Variants in LMTK3 observed in about 807,000 individuals in gnomAD.
The protein encoded by LMTK3 is lemur tail kinase 3, also known as serine/threonine-protein kinase LMTK3.
LMTK3 carries 27 observed loss-of-function variants against 116.7 expected under a neutral mutation model. That is an observed-to-expected ratio of 0.23 (90% CI 0.17 to 0.32). LMTK3 has a LOEUF of 0.32. Ranked by LOEUF, LMTK3 falls within the 10% of genes least tolerant of loss-of-function variation. The pLI is 1.00. For missense variants in LMTK3, 1,764 were observed against 2,068.5 expected (o/e 0.85, Z 2.86); for synonymous variants, 965 against 971.0 (o/e 0.99, Z 0.11).
intron 14 of LMTK3, among the ~76,000 whole-genome samples, chr19:48,486,371 C>G (rs1972125718): frequency 1.3e-5 from 2 of 151,054 alleles, no homozygotes; most frequent in South Asian, 4.2e-4. Flanking sequence ...TTGGAACATT[C>G]TTCCTACGTG....
In LMTK3 at chr19:48,496,449, C is replaced by T. The variant is rs573403646; in HGVS notation, c.3676+944G>A. On this transcript the variant is annotated intron_variant, in intron 11 of 14. Coordinates refer to ENST00000600059, the MANE Select transcript of LMTK3 (RefSeq NM_001388485.1). ...GAGTAGCTGGGATTATAGGCGCCTA[C>T]CATAAAGCCTGGCTAATTTTTGTAT... 4.6e-5 allele frequency among the ~76,000 whole-genome samples: 7 copies of T among 152,268 alleles called. No individual in the cohort carries two copies. In the East Asian group the frequency reaches 1.4e-3, roughly 29 times the overall value.
chr19:48,509,720 A>G (rs1034076860), intron 3 of LMTK3, among the ~76,000 whole-genome samples: 1 of 151,962 alleles, frequency 6.6e-6, no homozygotes, highest in Admixed American at 6.6e-5. Context: ...TGGCATCCCA[A>G]GCTCCTATGA....
chr19:48,499,629 C>T lies in LMTK3; in HGVS notation c.1440G>A (p.Leu480=). The change falls in exon 11 of 15, where the codon CTG becomes CTA. Residue 480 remains leucine (L), a synonymous_variant. Coordinates refer to ENST00000600059, the MANE Select transcript of LMTK3 (RefSeq NM_001388485.1). ...ESSRGLNLEC[L]WEKARRGAGR... is the part of the protein sequence containing the mutation. ...CGGCCCCACGCCGGGCCTTCTCCCA[C>T]AGGCACTCGAGGTTGAGGCCGCGGC... is the stretch of plus-strand genomic sequence containing the variant. 1.9e-6 allele frequency: 3 copies of T among 1,542,304 alleles called. No individual in the cohort carries two copies. The highest frequency in any genetic ancestry group is 2.6e-6 in the Non-Finnish European group (3 of 1,143,760).
At position 48,497,115 on chromosome 19, in the gene LMTK3, A is replaced by G. The variant is rs1463785126; in HGVS notation, c.3676+278T>C. ...CTGATTAAGTGCCTTGGATGTCCTA[A>G]TTCATTTAACCTTCACAGCAACCCT... On this transcript the variant is annotated intron_variant, in intron 11 of 14. Coordinates refer to ENST00000600059, the MANE Select transcript of LMTK3 (RefSeq NM_001388485.1). The surrounding 1 kb of genome is among the most constrained non-coding windows in gnomAD (Gnocchi z 5.7). 2.6e-5 allele frequency among the ~76,000 whole-genome samples: 4 copies of G among 152,200 alleles called. No individual in the cohort carries two copies. Among genetic ancestry groups the G allele is most frequent in the Non-Finnish European group, 5.9e-5 (4 of 68,036 alleles).
chr19:48,501,174 C>G, intron 9 of LMTK3, 29 bp from the exon 10 acceptor site: 1 of 1,606,256 alleles, frequency 6.2e-7, no homozygotes, highest in Middle Eastern at 1.7e-4. Context: ...GGTCAGAGCC[C>G]AGCCCTGACC....
At position 48,491,371 on chromosome 19, in the gene LMTK3, C is replaced by T; in HGVS notation, c.4228+33G>A. 1 of 1,357,458 alleles carries T rather than the reference C, an allele frequency of 7.4e-7. No homozygotes were observed. Among genetic ancestry groups the T allele is most frequent in the Non-Finnish European group, 9.5e-7 (1 of 1,052,526 alleles). The allele number at this position is 1,357,458 out of a possible 1,614,324, so 84.1% of individuals were successfully genotyped here. A position where few individuals can be genotyped will look rare whatever the true frequency, so the allele number is the denominator to read the frequency against. On this transcript the variant is annotated intron_variant, in intron 13 of 14. Transcript: ENST00000600059. The surrounding 1 kb of genome is among the most constrained non-coding windows in gnomAD (Gnocchi z 5.1). ...CCCGCCCCGTCCGCCCCATGGCTCC[C>T]GCCCCCTCCCGCCCCATAGGGCCCG... is the stretch of plus-strand genomic sequence containing the variant.
intron 5 of LMTK3, among the ~76,000 whole-genome samples, chr19:48,505,356 C>T (rs552811398): frequency 2.0e-5 from 3 of 151,976 alleles, no homozygotes; most frequent in Admixed American, 6.6e-5. Context: ...TCAGGTAATC[C>T]GCCTGCCTGG....
Position 48,485,758 on chromosome 19 carries a change from C to G in LMTK3, c.*15G>C, listed in dbSNP as rs748787565. 1.9e-6 allele frequency: 3 copies of G among 1,609,280 alleles called. No individual in the cohort carries two copies. The East Asian group carries it at 6.7e-5, about 36-fold the overall frequency. On this transcript the variant is annotated 3_prime_UTR_variant, in exon 15 of 15. Coordinates refer to ENST00000600059, the MANE Select transcript of LMTK3 (RefSeq NM_001388485.1). Reference sequence around the variant, plus strand: ...CCCTCTTCTGAGGGTGCAGCGGGGTCGGGTCTTCGGGGAATCAATTCTCCA... The same window carrying G: ...CCCTCTTCTGAGGGTGCAGCGGGGTGGGGTCTTCGGGGAATCAATTCTCCA...
At chr19:48,513,372 C>T, upstream of LMTK3, 1 of 612,220 alleles carries the variant, frequency 1.6e-6, no homozygotes, top group Non-Finnish European at 3.0e-6. The surrounding 1 kb of genome is among the most constrained non-coding windows in gnomAD (Gnocchi z 5.6). Context: ...AGGCACAGCG[C>T]GGGGTAGTCA....
At chr19:48,489,064 C>T (rs1434076531) in intron 14 of LMTK3, among the ~76,000 whole-genome samples, 2 of 152,146 alleles carry the variant, frequency 1.3e-5, no homozygotes, top group Non-Finnish European at 2.9e-5. Context: ...AAGGGGAAAA[C>T]AAAGCCCTTT....
chr19:48,492,005 G>C (rs1040202434), intron 12 of LMTK3, among the ~76,000 whole-genome samples: 1 of 151,864 alleles, frequency 6.6e-6, no homozygotes, highest in Admixed American at 6.6e-5. Flanking sequence ...CTCAGAAGTA[G>C]ACCTGCTCCC....
intron 1 of LMTK3, among the ~76,000 whole-genome samples, chr19:48,511,173 C>G (rs1411724448): frequency 6.6e-6 from 1 of 152,214 alleles, no homozygotes; most frequent in African/African-American, 2.4e-5. Flanking sequence ...TGTTGTGTCC[C>G]CCTTAGAAAT....
Position 48,502,526 on chromosome 19 carries a change from T to C in LMTK3, c.701A>G (p.Glu234Gly). 1 of 1,603,426 alleles carries C rather than the reference T, an allele frequency of 6.2e-7. No individual in the cohort carries two copies. The highest frequency in any genetic ancestry group is 8.5e-7 in the Non-Finnish European group (1 of 1,175,732). ...CGTCCGCAGGTCTCGAGGGGGTAGC[T>C]CAGGGGACAGGCCCTCGGGGGGCCG... ...AQRPPEGLSP[E>G]LPPRDLRTLQ... The change falls in exon 7 of 15, where the codon GAG becomes GGG. Residue 234 changes from glutamate to glycine, a missense_variant. Glu to Gly is a moderately conservative substitution (Grantham distance 98). Transcript: ENST00000600059.
Position 48,511,597 on chromosome 19 carries a change from G to A in LMTK3, c.-21C>T, listed in dbSNP as rs1484248877. On this transcript the variant is annotated 5_prime_UTR_variant, in exon 1 of 15. Transcript: ENST00000600059. Reference sequence around the variant, plus strand: ...GGCATCTTGTCGAGGATGGCAGGGAGGTGGAGGTGGTGGCGGCTGGGGAGG... The same window carrying A: ...GGCATCTTGTCGAGGATGGCAGGGAAGTGGAGGTGGTGGCGGCTGGGGAGG... The A allele has an allele frequency of 8.1e-7, 1 of 1,236,966 alleles. No homozygotes were observed. The highest frequency in any genetic ancestry group is 1.1e-6 in the Non-Finnish European group (1 of 926,544). 76.6% of individuals were successfully genotyped at this position (1,236,966 alleles called of 1,614,324 possible). A position where few individuals can be genotyped will look rare whatever the true frequency, so the allele number is the denominator to read the frequency against.
chr19:48,509,695 A>G (rs995546695), intron 3 of LMTK3, among the ~76,000 whole-genome samples, 182 bp from the exon 4 acceptor site: 2 of 152,032 alleles, frequency 1.3e-5, no homozygotes, highest in African/African-American at 2.4e-5. Flanking sequence ...CCAGCATCCA[A>G]TCAGTCCTTC....
chr19:48,498,294 C>T lies in LMTK3; in HGVS notation c.2775G>A (p.Gly925=), dbSNP rs1176901605. 1.2e-6 allele frequency: 2 copies of T among 1,613,180 alleles called. No homozygotes were observed. The highest frequency in any genetic ancestry group is 1.7e-5 in the Admixed American group (1 of 59,934). ...GGTCCCCGTTCTCCAGCACTGTCACCCCGTTCACTGGGAGGCTCAGGCTTG... is the reference window on the plus strand; with the variant it reads ...GGTCCCCGTTCTCCAGCACTGTCACTCCGTTCACTGGGAGGCTCAGGCTTG... ...QAPSLSLPVN[G]VTVLENGDQR... The change falls in exon 11 of 15, where the codon GGG becomes GGA. Residue 925 remains glycine, a synonymous_variant. Transcript: ENST00000600059.
Position 48,499,000 on chromosome 19 carries a change from G to T in LMTK3, c.2069C>A (p.Ala690Glu). 1.4e-6 allele frequency: 2 copies of T among 1,411,786 alleles called. No individual in the cohort carries two copies. Among genetic ancestry groups the T allele is most frequent in the East Asian group, 2.9e-5 (1 of 34,592 alleles). 87.5% of individuals were successfully genotyped at this position (1,411,786 alleles called of 1,614,324 possible). ...AAGAGCAGGGTGGCCTCCCCAGCCTGCTACGGCGTCCCCCCGCTCCAGTGG... is the reference window on the plus strand; with the variant it reads ...AAGAGCAGGGTGGCCTCCCCAGCCTTCTACGGCGTCCCCCCGCTCCAGTGG... ...CLPLERGDAV[A>E]GWGGHPALGC... The change falls in exon 11 of 15, where the codon GCA becomes GAA. Residue 690 changes from alanine (A) to glutamate (E), a missense_variant. Physicochemically the swap from Ala to Glu is moderately radical, Grantham distance 107 (BLOSUM62 -1). This residue lies in a region of LMTK3 where 1,028 missense variants were observed against 1,050.6 expected (regional missense o/e 0.98). Transcript: ENST00000600059.
At chr19:48,502,374 C>G in intron 7 of LMTK3, 59 bp downstream of exon 7, 2 of 1,424,888 alleles carry the variant, frequency 1.4e-6, no homozygotes, top group Non-Finnish European at 1.9e-6. Context: ...TCCCCTGAGG[C>G]CTCACCTCCT....
intron 14 of LMTK3, among the ~76,000 whole-genome samples, chr19:48,488,463 T>G (rs1297385169): frequency 6.6e-6 from 1 of 151,880 alleles, no homozygotes; most frequent in African/African-American, 2.4e-5. Context: ...CACCCAACAT[T>G]GACTTCCCTC....
Sources: gnomAD v4.1 joint callset for allele counts (sites outside exome capture counted in the v4.1 genomes callset) on GRCh38, gnomAD v4.1.1 for gene constraint, gnomAD v4.1.1 regional missense constraint, Gnocchi (gnomAD v3.1) non-coding constraint, MANE v1.5 for transcripts, NCBI Gene and HGNC (gene_info 2026-07-23, HGNC 2026-07-21) for gene names.